CDC42SE2: variants seen among roughly 807,000 people sequenced by gnomAD.
CDC42SE2 encodes the protein CDC42 small effector 2.
Under a neutral mutation model 11.5 loss-of-function variants are expected in CDC42SE2, and 3 were observed. The ratio of observed to expected loss-of-function variants is 0.26; its 90% CI spans 0.12 to 0.67. The LOEUF (loss-of-function observed/expected upper bound fraction) is 0.67. CDC42SE2 is among the 30% of genes least tolerant of loss of function. The pLI, the probability that CDC42SE2 is intolerant of heterozygous loss-of-function variation, is 0.80. For synonymous variants in CDC42SE2, 33 were observed against 34.8 expected, an observed-to-expected ratio of 0.95 and a Z score of 0.18; for missense variants, 82 against 106.8, an observed-to-expected ratio of 0.77 and a Z score of 1.02.
chr5:131,290,630 C>T (rs1246334593), intron 1 of CDC42SE2, among the ~76,000 whole-genome samples: 1 of 151,604 alleles, frequency 6.6e-6, no homozygotes, highest in Non-Finnish European at 1.5e-5. Context: ...CAGGCTGGCA[C>T]CAGGCTGGCT....
chr5:131,311,747 C>T (rs548625014), intron 1 of CDC42SE2, among the ~76,000 whole-genome samples: 11 of 152,294 alleles, frequency 7.2e-5, no homozygotes, highest in African/African-American at 2.2e-4. Context: ...GCTCCTGAGG[C>T]TTCTGCATTC....
At chr5:131,366,781 T>C (rs968089877) in intron 3 of CDC42SE2, among the ~76,000 whole-genome samples, 1 of 152,114 alleles carries the variant, frequency 6.6e-6, no homozygotes. Flanking sequence ...CCCAACACTT[T>C]GGGAGGCTGA....
the CDC42SE2 span, among the ~76,000 whole-genome samples, chr5:131,239,851 C>G: frequency 6.6e-6 from 1 of 152,200 alleles, no homozygotes; most frequent in Non-Finnish European, 1.5e-5. Context: ...CAGCTTAGAG[C>G]GAGCTTCCTT....
intron 1 of CDC42SE2, among the ~76,000 whole-genome samples, chr5:131,272,845 T>C (rs1757022180): frequency 6.6e-6 from 1 of 152,220 alleles, no homozygotes; most frequent in African/African-American, 2.4e-5. Flanking sequence ...TTTGAGATTA[T>C]TGAGTGACTT....
chr5:131,218,850 C>T, the CDC42SE2 span, among the ~76,000 whole-genome samples: 2 of 152,084 alleles, frequency 1.3e-5, no homozygotes, highest in Admixed American at 1.3e-4. Flanking sequence ...TATAGATGTT[C>T]AGTTTATGAA....
chr5:131,216,501 C>CAAAAAAAAAAAAA, the CDC42SE2 span, among the ~76,000 whole-genome samples: 119 of 42,152 alleles, frequency 2.8e-3, 3 homozygotes, highest in African/African-American at 9.4e-3. Context: ...GAACCTGTCT[C>CAAAAAAAAAAAAA]AAAAAAAAAA....
rs578087964 is a variant in CDC42SE2, at chr5:131,307,745, T to C, written c.-454-8231T>C. Among the ~76,000 whole-genome samples, 300 of 152,352 alleles carry C rather than the reference T, an allele frequency of 2.0e-3. 1 individual carries two copies. Among genetic ancestry groups the C allele is most frequent in the African/African-American group, 7.0e-3 (290 of 41,580 alleles). On this transcript the variant is annotated intron_variant, in intron 1 of 4. Coordinates refer to ENST00000505065, the MANE Select transcript of CDC42SE2 (RefSeq NM_001375635.1). ...CAGCACCTGTTGTTTCCTGACTTTTTAATGATTACCATTCTAACTGGTGTG... is the reference window on the plus strand; with the variant it reads ...CAGCACCTGTTGTTTCCTGACTTTTCAATGATTACCATTCTAACTGGTGTG...
the CDC42SE2 span, among the ~76,000 whole-genome samples, chr5:131,239,634 A>C: frequency 1.3e-5 from 2 of 152,184 alleles, no homozygotes; most frequent in African/African-American, 4.8e-5. Flanking sequence ...TTGAAAGAAC[A>C]ACCTTATAGA....
At chr5:131,290,113 C>A (rs1757425154) in intron 1 of CDC42SE2, among the ~76,000 whole-genome samples, 1 of 152,112 alleles carries the variant, frequency 6.6e-6, no homozygotes, top group Admixed American at 6.6e-5. Flanking sequence ...TCCCAAAGTG[C>A]TACGATTATA....
At chr5:131,333,431 G>A (rs1758471537) in intron 2 of CDC42SE2, among the ~76,000 whole-genome samples, 1 of 152,156 alleles carries the variant, frequency 6.6e-6, no homozygotes, top group Non-Finnish European at 1.5e-5. Context: ...TTTGGCTTAG[G>A]ATTGACTTGG....
At chr5:131,279,535 C>T (rs547073797) in intron 1 of CDC42SE2, among the ~76,000 whole-genome samples, 6 of 141,190 alleles carry the variant, frequency 4.2e-5, no homozygotes, top group South Asian at 2.3e-4. Flanking sequence ...TACTTATTAC[C>T]CTTTAAGTGC....
At chr5:131,358,431 C>T (rs1749616694) in intron 2 of CDC42SE2, among the ~76,000 whole-genome samples, 1 of 152,094 alleles carries the variant, frequency 6.6e-6, no homozygotes, top group South Asian at 2.1e-4. Flanking sequence ...AAACCATCTT[C>T]CACATGAGGT....
chr5:131,384,016 G>A (rs1750400786), intron 3 of CDC42SE2, among the ~76,000 whole-genome samples: 1 of 152,170 alleles, frequency 6.6e-6, no homozygotes, highest in African/African-American at 2.4e-5. Context: ...TGAACACATG[G>A]AGCAATTATC....
intron 1 of CDC42SE2, among the ~76,000 whole-genome samples, chr5:131,315,753 A>C (rs1365541758): frequency 1.3e-5 from 2 of 152,180 alleles, no homozygotes; most frequent in Non-Finnish European, 2.9e-5. Context: ...GTGGGTAGAT[A>C]TAATGTGGAA....
At chr5:131,251,906 G>A (rs1256106188) in intron 1 of CDC42SE2, among the ~76,000 whole-genome samples, 1 of 152,128 alleles carries the variant, frequency 6.6e-6, no homozygotes, top group Non-Finnish European at 1.5e-5. Flanking sequence ...TAGCTACTTG[G>A]GAGGCTGAGT....
chr5:131,345,596 C>T (rs1758820083), intron 2 of CDC42SE2, among the ~76,000 whole-genome samples: 1 of 152,276 alleles, frequency 6.6e-6, no homozygotes, highest in Admixed American at 6.5e-5. Flanking sequence ...TTCAGGAGAA[C>T]TTCCCCAACC....
chr5:131,332,061 C>A (rs1296031035), intron 2 of CDC42SE2, among the ~76,000 whole-genome samples: 1 of 152,096 alleles, frequency 6.6e-6, no homozygotes. Context: ...TGGTGTGCTG[C>A]ACCCATTAAC....
rs566373310 is a variant in CDC42SE2 at position 131,340,290 on chromosome 5, T to G, written c.-285-18919T>G. On this transcript the variant is annotated intron_variant, in intron 2 of 4. Coordinates refer to ENST00000505065, the MANE Select transcript of CDC42SE2 (RefSeq NM_001375635.1). ...ATTGCAGCCATTTTGAGTAGCATGATGAAATTTTGAACCGTCATGCTGTGT... is the reference window on the plus strand; with the variant it reads ...ATTGCAGCCATTTTGAGTAGCATGAGGAAATTTTGAACCGTCATGCTGTGT... Among the ~76,000 whole-genome samples the G allele has an allele frequency of 1.6e-4, 25 of 152,334 alleles. No individual in the cohort carries two copies. The South Asian group carries it at 5.2e-3, about 32-fold the overall frequency.
intron 2 of CDC42SE2, among the ~76,000 whole-genome samples, chr5:131,339,875 A>G (rs1421456015): frequency 6.6e-6 from 1 of 152,110 alleles, no homozygotes; most frequent in Non-Finnish European, 1.5e-5. Context: ...GAAAATTAAT[A>G]GGTGGGTTAA....
Sources: gnomAD v4.1 joint callset for allele counts (sites outside exome capture counted in the v4.1 genomes callset) on GRCh38, gnomAD v4.1.1 for gene constraint, MANE v1.5 for transcripts, NCBI Gene and HGNC (gene_info 2026-07-23, HGNC 2026-07-21) for gene names.